FAT3: variants seen among roughly 807,000 people sequenced by gnomAD.
FAT3 encodes protocadherin Fat 3.
In FAT3, 95 loss-of-function variants were observed where a neutral mutation model predicts 310.2. The observed-to-expected ratio is 0.31, with a 90% CI of 0.26 to 0.36. The LOEUF (loss-of-function observed/expected upper bound fraction) is 0.36, where lower values mean the gene tolerates loss of function less well. Ranked by LOEUF, FAT3 falls within the 10% of genes least tolerant of loss-of-function variation. The pLI is 1.00. For missense variants in FAT3, 5,408 were observed against 5,715.6 expected (o/e 0.95, Z 1.74); for synonymous variants, 2,314 against 2,192.9 (o/e 1.06, Z -1.54).
chr11:92,614,715 A>G (rs180919226), intron 3 of FAT3, among the ~76,000 whole-genome samples: 1 of 152,170 alleles, frequency 6.6e-6, no homozygotes, highest in African/African-American at 2.4e-5. Flanking sequence ...TACAATTGTG[A>G]TGAAATCCAA....
chr11:92,524,733 C>T lies in FAT3; in HGVS notation c.3392C>T (p.Thr1131Ile). 6.2e-7 allele frequency: 1 copy of T among 1,613,798 alleles called. No individual in the cohort carries two copies. The highest frequency in any genetic ancestry group is 8.5e-7 in the Non-Finnish European group (1 of 1,179,830). ...AGGGGCGTTGTTCCACTCTACTCCA[C>T]CATTGAGGTCTACATTGAAGTTGAA... ...TDRGVVPLYS[T>I]IEVYIEVEDV... The change falls in exon 3 of 28, where the codon ACC (threonine) becomes ATC (isoleucine). Residue 1131 changes from threonine (T) to isoleucine (I), a missense_variant. Coordinates refer to ENST00000525166, the MANE Select transcript of FAT3 (RefSeq NM_001367949.2).
chr11:92,774,235 G>A, intron 7 of FAT3, 55 bp downstream of exon 7: 8 of 1,512,708 alleles, frequency 5.3e-6, no homozygotes, highest in Non-Finnish European at 6.2e-6. Flanking sequence ...CCAAAGTCAG[G>A]GGTGCAAGCA....
At chr11:92,418,927 T>C (rs1565301506) in intron 2 of FAT3, among the ~76,000 whole-genome samples, 1 of 152,164 alleles carries the variant, frequency 6.6e-6, no homozygotes, top group Non-Finnish European at 1.5e-5. Flanking sequence ...AGGAAATCAC[T>C]GGGCCTGGAG....
intron 2 of FAT3, among the ~76,000 whole-genome samples, chr11:92,450,091 C>G (rs1951316971): frequency 6.6e-6 from 1 of 152,190 alleles, no homozygotes; most frequent in South Asian, 2.1e-4. Flanking sequence ...CAATGCTGCC[C>G]CTGCACCAAT....
intron 2 of FAT3, among the ~76,000 whole-genome samples, chr11:92,471,824 T>G (rs1951911609): frequency 6.6e-6 from 1 of 150,736 alleles, no homozygotes; most frequent in South Asian, 2.1e-4. Flanking sequence ...GTGAAATGAA[T>G]AAACCAGAGC....
At chr11:92,843,526 G>A (rs1184295780) in intron 18 of FAT3, among the ~76,000 whole-genome samples, 1 of 152,148 alleles carries the variant, frequency 6.6e-6, no homozygotes, top group African/African-American at 2.4e-5. Context: ...TGCTATCTGG[G>A]TCCAGTCAAA....
At chr11:92,418,604 T>C (rs1164584088) in intron 2 of FAT3, among the ~76,000 whole-genome samples, 1 of 152,006 alleles carries the variant, frequency 6.6e-6, no homozygotes. Context: ...ACAGTGAGTC[T>C]GCCTCACTGT....
chr11:92,634,974 G>C (rs1411341931), intron 3 of FAT3, among the ~76,000 whole-genome samples: 1 of 152,110 alleles, frequency 6.6e-6, no homozygotes, highest in Non-Finnish European at 1.5e-5. Context: ...CAGCGGAAAG[G>C]CCTTGTGAAG....
intron 6 of FAT3, among the ~76,000 whole-genome samples, chr11:92,771,759 C>G (rs1946461957): frequency 8.1e-6 from 1 of 124,022 alleles, no homozygotes; most frequent in South Asian, 2.3e-4. Flanking sequence ...AGAGAGAGAA[C>G]TGTAAAAAAA....
intron 3 of FAT3, among the ~76,000 whole-genome samples, chr11:92,596,358 G>A (rs1025009642): frequency 6.6e-6 from 1 of 152,150 alleles, no homozygotes; most frequent in Non-Finnish European, 1.5e-5. Context: ...CACATTTGTA[G>A]AGTCAACACA....
intron 3 of FAT3, among the ~76,000 whole-genome samples, chr11:92,621,999 T>C (rs1041180450): frequency 6.6e-6 from 1 of 152,170 alleles, no homozygotes; most frequent in Non-Finnish European, 1.5e-5. Flanking sequence ...ATTTAGGGGC[T>C]TGTTAAGTAG....
At chr11:92,306,979 A>T (rs1947158969) in intron 1 of FAT3, among the ~76,000 whole-genome samples, 1 of 149,892 alleles carries the variant, frequency 6.7e-6, no homozygotes, top group Non-Finnish European at 1.5e-5. Context: ...TTTTATTTGT[A>T]GTAGAGACAG....
intron 4 of FAT3, among the ~76,000 whole-genome samples, chr11:92,737,833 A>C (rs570418965): frequency 6.6e-6 from 1 of 152,096 alleles, no homozygotes; most frequent in South Asian, 2.1e-4. Context: ...GAATTGTTCA[A>C]TTGTGTAACA....
intron 2 of FAT3, among the ~76,000 whole-genome samples, chr11:92,447,014 C>G (rs923687633): frequency 1.3e-5 from 2 of 152,092 alleles, no homozygotes; most frequent in Admixed American, 1.3e-4. Flanking sequence ...GTTGATTACC[C>G]TGTCAAAAAT....
At chr11:92,258,538 C>A (rs1359285637) in intron 1 of FAT3, among the ~76,000 whole-genome samples, 1 of 151,934 alleles carries the variant, frequency 6.6e-6, no homozygotes, top group Non-Finnish European at 1.5e-5. Context: ...TGGGAGGGAG[C>A]TGTGTATGGT....
chr11:92,464,535 G>C (rs1431382535), intron 2 of FAT3, among the ~76,000 whole-genome samples: 1 of 152,180 alleles, frequency 6.6e-6, no homozygotes, highest in Non-Finnish European at 1.5e-5. Context: ...GGGAACAACT[G>C]TCGTGGCATG....
At chr11:92,299,559 T>C (rs1946937695) in intron 1 of FAT3, among the ~76,000 whole-genome samples, 1 of 152,114 alleles carries the variant, frequency 6.6e-6, no homozygotes, top group African/African-American at 2.4e-5. Flanking sequence ...TACATATGAA[T>C]TGACTGATCC....
At chr11:92,555,035 C>T (rs987780889) in intron 3 of FAT3, among the ~76,000 whole-genome samples, 11 of 149,900 alleles carry the variant, frequency 7.3e-5, no homozygotes, top group African/African-American at 2.7e-4. Flanking sequence ...GTTTTCAATC[C>T]TATGGTCATG....
At chr11:92,570,892 G>T (rs1008515541) in intron 3 of FAT3, among the ~76,000 whole-genome samples, 3 of 151,936 alleles carry the variant, frequency 2.0e-5, no homozygotes, top group African/African-American at 7.3e-5. Flanking sequence ...TTGCTCATTT[G>T]TTCCTTCGTT....
Sources: allele counts gnomAD v4.1 joint callset (sites outside exome capture counted in the v4.1 genomes callset), GRCh38; gene constraint gnomAD v4.1.1; transcripts MANE v1.5; gene names NCBI Gene and HGNC (gene_info 2026-07-23, HGNC 2026-07-21).